Variants in HYDIN observed in about 807,000 individuals in gnomAD.
HYDIN encodes HYDIN axonemal central pair apparatus protein, also known as axonemal central pair apparatus protein HYDIN.
A neutral mutation model predicts 403.9 loss-of-function variants in HYDIN; 132 were observed. The observed-to-expected ratio is 0.33, with a 90% CI of 0.28 to 0.38. The LOEUF (loss-of-function observed/expected upper bound fraction) is 0.38, where lower values mean the gene tolerates loss of function less well. HYDIN is among the 10% of genes least tolerant of loss of function. The pLI is 1.00. For missense variants in HYDIN, 2,827 were observed against 5,009.5 expected (o/e 0.56, Z 13.15); for synonymous variants, 1,202 against 1,891.7 (o/e 0.64, Z 9.46).
chr16:71,201,413 A>G (rs902395713), intron 1 of HYDIN, among the ~76,000 whole-genome samples: 1 of 152,176 alleles, frequency 6.6e-6, no homozygotes, highest in Admixed American at 6.5e-5. Flanking sequence ...ACTATCCTGC[A>G]TCCATCCCCC....
In HYDIN at chr16:71,012,658, T is replaced by C. The variant is rs574154857; in HGVS notation, c.3644+5471A>G. ...TCTAGGCGACCTCAGACCTATCTAA[T>C]AAAAGAAAAAGAAAACCCTCTCTTA... On this transcript the variant is annotated intron_variant, in intron 23 of 85. Coordinates refer to ENST00000393567, the MANE Select transcript of HYDIN (RefSeq NM_001270974.2). Among the ~76,000 whole-genome samples the C allele has an allele frequency of 2.0e-5, 3 of 152,302 alleles. No individual in the cohort carries two copies. In the South Asian group the frequency reaches 6.2e-4, roughly 32 times the overall value.
intron 44 of HYDIN, among the ~76,000 whole-genome samples, chr16:70,937,918 A>G (rs1183337030): frequency 6.6e-6 from 1 of 152,016 alleles, no homozygotes; most frequent in Non-Finnish European, 1.5e-5. Context: ...CACTGTTCCC[A>G]TCCCTCTGAG....
chr16:71,223,236 T>C (rs1235263198), intron 1 of HYDIN, among the ~76,000 whole-genome samples: 4 of 152,154 alleles, frequency 2.6e-5, no homozygotes, highest in African/African-American at 9.7e-5. Context: ...GGACACCCTA[T>C]GCAATAATGG....
rs766612792 is a variant in HYDIN, at chr16:70,860,144, A to G, written c.12053T>C (p.Ile4018Thr). ...TGCTGCAGGGTTCTGGAGACTTTCA[A>G]TTTCTTCAGAGATCCAGCAGAAGGA... Reference protein sequence around the residue: ...TYSFCWISEEIESLQNPAAFT... With the variant: ...TYSFCWISEETESLQNPAAFT... The change falls in exon 71 of 86, where the codon ATT becomes ACT. Residue 4018 changes from isoleucine (I) to threonine (T), a missense_variant. By Grantham distance (89) the Ile-to-Thr change is moderately conservative. Coordinates refer to ENST00000393567, the MANE Select transcript of HYDIN (RefSeq NM_001270974.2). 2.5e-6 allele frequency: 4 copies of G among 1,613,836 alleles called. No homozygotes were observed. Among genetic ancestry groups the G allele is most frequent in the South Asian group, 2.2e-5 (2 of 91,064 alleles).
intron 53 of HYDIN, among the ~76,000 whole-genome samples, chr16:70,898,825 C>T (rs1399519177): frequency 8.0e-5 from 12 of 150,140 alleles, no homozygotes; most frequent in African/African-American, 2.7e-4. Context: ...CTCATTGCAA[C>T]CTCCGCCTCC....
At chr16:70,926,517 C>T (rs1010842655) in intron 45 of HYDIN, among the ~76,000 whole-genome samples, 21 of 151,686 alleles carry the variant, frequency 1.4e-4, no homozygotes, top group Admixed American at 3.9e-4. Context: ...TGCTAAATGA[C>T]GAGTTAATGG....
chr16:70,998,633 A>G (rs1173040643), intron 23 of HYDIN, among the ~76,000 whole-genome samples: 1 of 135,668 alleles, frequency 7.4e-6, no homozygotes, highest in Non-Finnish European at 1.5e-5. Context: ...CCTCTCATCC[A>G]TCCTTCCTTC....
At position 70,979,004 on chromosome 16, in the gene HYDIN, C is replaced by A; in HGVS notation, c.4548G>T (p.Arg1516Ser). 4.3e-6 allele frequency: 7 copies of A among 1,613,310 alleles called. No homozygotes were observed. The highest frequency in any genetic ancestry group is 5.1e-6 in the Non-Finnish European group (6 of 1,179,928). ...EKYEMFLNQA[R>S]KNTDKEYNKC... ...TGTTATACTCTTTGTCTGTGTTTTT[C>A]CTGGCTTGATTCAAGAACATTTCAT... The change falls in exon 30 of 86, where the codon AGG becomes AGT. Residue 1516 changes from arginine (R) to serine (S), a missense_variant. Transcript: ENST00000393567.
chr16:71,154,371 G>A (rs2085669825), intron 6 of HYDIN, among the ~76,000 whole-genome samples: 1 of 133,804 alleles, frequency 7.5e-6, no homozygotes, highest in Non-Finnish European at 1.6e-5. Context: ...CATGGAGAAT[G>A]CATATCCATC....
chr16:71,102,538 TTATAAG>T (rs1441583179), intron 10 of HYDIN, among the ~76,000 whole-genome samples: 1 of 151,016 alleles, frequency 6.6e-6, no homozygotes, highest in African/African-American at 2.4e-5. Flanking sequence ...GAAAACAATA[TTATAAG>T]TATGATATGA....
At chr16:71,097,823 T>G (rs1474659562) in intron 10 of HYDIN, among the ~76,000 whole-genome samples, 1 of 151,572 alleles carries the variant, frequency 6.6e-6, no homozygotes, top group Non-Finnish European at 1.5e-5. Flanking sequence ...GATGCTTCGT[T>G]GATGTAGTTT....
At chr16:71,081,795 A>G (rs964486014) in intron 12 of HYDIN, among the ~76,000 whole-genome samples, 11 of 151,256 alleles carry the variant, frequency 7.3e-5, no homozygotes, top group African/African-American at 2.7e-4. Context: ...TTGAAAGACA[A>G]GAGAGAGAAT....
rs199673743 is a variant in HYDIN, at chr16:71,067,308, G to A, written c.2057C>T (p.Ala686Val). ...GCAATACCTTGCTGTAATTAAGAGC[G>A]CCAGCACCTCTTCTCCGATGCCCTC... The part of the protein sequence containing the change: ...DVEGIGEEVL[A>V]LLITARCVVP... Residue 686 changes from alanine (A) to valine (V), a missense_variant, in exon 15 of 86, where the codon GCG (alanine) becomes GTG (valine). Coordinates refer to ENST00000393567, the MANE Select transcript of HYDIN (RefSeq NM_001270974.2). The A allele has an allele frequency of 4.7e-5, 76 of 1,611,032 alleles. No homozygotes were observed. The highest frequency in any genetic ancestry group is 8.4e-5 in the Admixed American group (5 of 59,814).
intron 1 of HYDIN, among the ~76,000 whole-genome samples, chr16:71,214,380 G>A (rs2088762753): frequency 6.6e-6 from 1 of 152,144 alleles, no homozygotes; most frequent in South Asian, 2.1e-4. Context: ...CAGAATTTTA[G>A]ATGAGACTTG....
chr16:71,094,161 T>C (rs1053510344), intron 10 of HYDIN, among the ~76,000 whole-genome samples: 1 of 151,850 alleles, frequency 6.6e-6, no homozygotes, highest in Non-Finnish European at 1.5e-5. Flanking sequence ...AAAACCAAAA[T>C]CCCAAAGATA....
chr16:70,896,152 C>T, intron 53 of HYDIN, 72 bp from the exon 54 acceptor site: 2 of 1,581,542 alleles, frequency 1.3e-6, no homozygotes, highest in Non-Finnish European at 8.6e-7. Context: ...CATGTAATAT[C>T]CTAACGGGGA....
rs898547396 is a variant in HYDIN, at chr16:70,810,101, G to T, written c.14659-94C>A. ...CCCAAGGCTCCATAGCAGGTTGGGG[G>T]CAGAAATAGTGCACATGATCATGCT... On this transcript the variant is annotated intron_variant, in intron 84 of 85. Transcript: ENST00000393567. The T allele has an allele frequency of 8.7e-6, 10 of 1,147,464 alleles. No individual in the cohort carries two copies. In the East Asian group the frequency reaches 1.2e-4, roughly 13 times the overall value. 71.1% of individuals were successfully genotyped at this position (1,147,464 alleles called of 1,614,324 possible).
At chr16:71,043,687 CTTGTA>C (rs927794070) in intron 18 of HYDIN, among the ~76,000 whole-genome samples, 2 of 149,630 alleles carry the variant, frequency 1.3e-5, no homozygotes, top group African/African-American at 2.5e-5. Context: ...AAACTTTCTT[CTTGTA>C]TTGTATTTAT....
intron 7 of HYDIN, among the ~76,000 whole-genome samples, chr16:71,139,095 GAAAAAAAAAAAA>G (rs71758936): frequency 0.27 from 28,115 of 104,248 alleles, 3,552 homozygotes; most frequent in Middle Eastern, 0.43. Context: ...AAATAAAGAA[GAAAAAAAAAAAA>G]AAAAAAAAAA....
Sources: gnomAD v4.1 joint callset for allele counts (sites outside exome capture counted in the v4.1 genomes callset) on GRCh38, gnomAD v4.1.1 for gene constraint, MANE v1.5 for transcripts, NCBI Gene and HGNC (gene_info 2026-07-23, HGNC 2026-07-21) for gene names.